PHKA2: variants seen among roughly 807,000 people sequenced by gnomAD.
The protein encoded by PHKA2 is phosphorylase kinase regulatory subunit alpha 2.
In PHKA2, 31 loss-of-function variants were observed where a neutral mutation model predicts 102.0. The observed-to-expected ratio is 0.30, with a 90% CI of 0.23 to 0.41. PHKA2 has a LOEUF of 0.41. Among genes scored for constraint, PHKA2 ranks in the 10% least tolerant of loss-of-function variants. PHKA2 has a pLI of 1.00. For synonymous variants in PHKA2, 455 were observed against 416.2 expected, an observed-to-expected ratio of 1.09 and a Z score of -1.13; for missense variants, 858 against 1,023.1, an observed-to-expected ratio of 0.84 and a Z score of 2.20.
intron 17 of PHKA2, among the ~76,000 whole-genome samples, chrX:18,922,171 G>A (rs1017138835): frequency 9.0e-6 from 1 of 111,591 alleles, no homozygotes; most frequent in African/African-American, 3.3e-5. Context: ...GCTTGAACCT[G>A]GGGGGTGGAG....
chrX:18,967,260 G>A (rs777817383), intron 1 of PHKA2, among the ~76,000 whole-genome samples: 2 of 111,363 alleles, frequency 1.8e-5, no homozygotes, highest in East Asian at 5.7e-4. Context: ...CCCACTGGTG[G>A]CGAGTGAGGG....
At chrX:18,936,321 T>C (rs775470621) in intron 10 of PHKA2, among the ~76,000 whole-genome samples, 171 bp from the exon 11 acceptor site, 6 of 111,664 alleles carry the variant, frequency 5.4e-5, no homozygotes, top group Non-Finnish European at 1.1e-4. Context: ...ACACTTACAG[T>C]GTTAGGAGGA....
In PHKA2 at chrX:18,910,914, T is replaced by C. The variant is rs1749511707; in HGVS notation, c.2184A>G (p.Lys728=). 1 of 1,196,476 alleles carries C rather than the reference T, an allele frequency of 8.4e-7. No homozygotes were observed. The highest frequency in any genetic ancestry group is 1.1e-6 in the Non-Finnish European group (1 of 883,847). ...LPTKVLSAHR[K]SLNLVDSPQP... ...GAGGAGAATCAACAAGATTCAGTGA[T>C]TTACGGTGGGCACTTAGAACTTTAG... The change falls in exon 20 of 33, where the codon AAA becomes AAG. Residue 728 remains lysine, a synonymous_variant. Transcript: ENST00000379942.
intron 1 of PHKA2, among the ~76,000 whole-genome samples, chrX:18,963,632 G>C (rs1246168334): frequency 6.3e-5 from 7 of 111,964 alleles, no homozygotes; most frequent in Non-Finnish European, 1.3e-4. Flanking sequence ...AAAGAATCCT[G>C]ACAAATACAA....
At chrX:18,893,864 CTG>C (rs1237461774) in intron 32 of PHKA2, among the ~76,000 whole-genome samples, 1 of 112,425 alleles carries the variant, frequency 8.9e-6, no homozygotes, top group Non-Finnish European at 1.9e-5. Context: ...GCACTGCACT[CTG>C]TTATCACGCA....
Position 18,892,394 on chromosome X carries a change from T to C in PHKA2, c.*1091A>G, listed in dbSNP as rs904319082. 1 of 112,693 alleles carries C rather than the reference T, an allele frequency of 8.9e-6. No homozygotes were observed. The highest frequency in any genetic ancestry group is 3.2e-5 in the African/African-American group (1 of 31,008). The allele number at this position is 112,693 out of a possible 1,213,427, so 9.3% of individuals were successfully genotyped here. On this transcript the variant is annotated 3_prime_UTR_variant, in exon 33 of 33. Transcript: ENST00000379942. ...GGTAAGACAATGCCCGGAGAGAAAC[T>C]CCATTGCTAGGGCATTGGCAAAAGA...
chrX:18,983,920 T>G lies in PHKA2; in HGVS notation c.13A>C (p.Ser5Arg). 1 of 1,210,686 alleles carries G rather than the reference T, an allele frequency of 8.3e-7. No homozygotes were observed. The highest frequency in any genetic ancestry group is 3.0e-5 in the East Asian group (1 of 33,834). ...CCGTCCAAGCGGACCCCGGAATTGC[T>G]CCTGCTCCGCATCTCCCCGAGGCTC... MRSR[S>R]NSGVRLDGYA... Residue 5 changes from serine (S) to arginine (R), a missense_variant, in exon 1 of 33, where the codon AGC becomes CGC. By Grantham distance (110) the Ser-to-Arg change is moderately radical. Transcript: ENST00000379942.
chrX:18,937,708 T>C (rs1463313136), intron 10 of PHKA2, among the ~76,000 whole-genome samples: 1 of 112,028 alleles, frequency 8.9e-6, no homozygotes, highest in East Asian at 2.8e-4. Context: ...GAAATGAGGC[T>C]ACAGGGGTGA....
chrX:18,947,703 T>G (rs1042270690), intron 5 of PHKA2, among the ~76,000 whole-genome samples: 3 of 112,554 alleles, frequency 2.7e-5, no homozygotes, highest in African/African-American at 9.7e-5. Flanking sequence ...CACTTGCACA[T>G]GCATGTTTAT....
chrX:18,954,351 T>C lies in PHKA2; in HGVS notation c.140A>G (p.Asn47Ser). 8.3e-7 allele frequency: 1 copy of C among 1,211,317 alleles called. No individual in the cohort carries two copies. Among genetic ancestry groups the C allele is most frequent in the Non-Finnish European group, 1.1e-6 (1 of 894,810 alleles). Reference sequence around the variant, plus strand: ...CCACACGGCCAGGATACTGTAGATGTTATCCCGCACCCAGGCATCCTTCTG... The same window carrying C: ...CCACACGGCCAGGATACTGTAGATGCTATCCCGCACCCAGGCATCCTTCTG... The part of the protein sequence containing the change: ...HEQKDAWVRD[N>S]IYSILAVWGL... The change falls in exon 2 of 33, where the codon AAC (asparagine) becomes AGC (serine). Residue 47 changes from asparagine to serine, a missense_variant. Physicochemically the swap from Asn to Ser is conservative, Grantham distance 46. This residue lies in a region of PHKA2 where 187 missense variants were observed against 277.9 expected (regional missense o/e 0.67). Coordinates refer to ENST00000379942, the MANE Select transcript of PHKA2 (RefSeq NM_000292.3).
chrX:18,944,815 A>G (rs1011381506), intron 6 of PHKA2, among the ~76,000 whole-genome samples: 1 of 112,255 alleles, frequency 8.9e-6, no homozygotes, highest in Non-Finnish European at 1.9e-5. Context: ...CAACAGCAAG[A>G]GCTTAGACCC....
At chrX:18,959,410 G>T (rs894419416) in intron 1 of PHKA2, among the ~76,000 whole-genome samples, 1 of 111,582 alleles carries the variant, frequency 9.0e-6, no homozygotes, top group African/African-American at 3.3e-5. Context: ...AAGTGAGTTC[G>T]ATGTAACCAT....
At chrX:18,946,838 A>G (rs2048586299) in intron 5 of PHKA2, among the ~76,000 whole-genome samples, 1 of 94,156 alleles carries the variant, frequency 1.1e-5, no homozygotes, top group African/African-American at 4.0e-5. Context: ...CTTCAGCACT[A>G]TTCCATTTCG....
chrX:18,927,901 T>C (rs775631209), intron 13 of PHKA2, among the ~76,000 whole-genome samples: 1 of 111,822 alleles, frequency 8.9e-6, no homozygotes, highest in East Asian at 2.8e-4. Context: ...GCAGTGGTTT[T>C]GGGGGAGACC....
Position 18,909,986 on chromosome X carries a change from C to T in PHKA2, c.2226+886G>A, listed in dbSNP as rs373821026. Among the ~76,000 whole-genome samples, 47 of 112,425 alleles carry T rather than the reference C, an allele frequency of 4.2e-4. 1 individual carries two copies. The highest frequency in any genetic ancestry group is 1.5e-3 in the African/African-American group (47 of 30,979). On this transcript the variant is annotated intron_variant, in intron 20 of 32. Coordinates refer to ENST00000379942, the MANE Select transcript of PHKA2 (RefSeq NM_000292.3). ...ATTGAAATCAGGGTAAAATCTTCTC[C>T]AACAGGCACTGAGTGTGCCACTGAG...
At chrX:18,936,323 T>C (rs1252181344) in intron 10 of PHKA2, among the ~76,000 whole-genome samples, 173 bp from the exon 11 acceptor site, 1 of 111,769 alleles carries the variant, frequency 8.9e-6, no homozygotes, top group East Asian at 2.8e-4. Flanking sequence ...ACTTACAGTG[T>C]TAGGAGGAGC....
chrX:18,927,314 G>A (rs759421915), intron 13 of PHKA2, among the ~76,000 whole-genome samples: 9 of 112,417 alleles, frequency 8.0e-5, no homozygotes, highest in African/African-American at 1.6e-4. Flanking sequence ...GGGACAACCC[G>A]GGATCGGCTA....
chrX:18,929,340 T>C (rs758464931), intron 12 of PHKA2, 34 bp from the exon 13 acceptor site: 27 of 928,807 alleles, frequency 2.9e-5, no homozygotes, highest in Non-Finnish European at 2.3e-5. Context: ...CTATGAAATA[T>C]TGATTAACTA....
At chrX:18,909,228 G>A (rs2047879745) in intron 20 of PHKA2, among the ~76,000 whole-genome samples, 1 of 112,105 alleles carries the variant, frequency 8.9e-6, no homozygotes, top group Non-Finnish European at 1.9e-5. Flanking sequence ...AATCATGACA[G>A]CAGTTATCTC....
Sources: gnomAD v4.1 joint callset for allele counts (sites outside exome capture counted in the v4.1 genomes callset) on GRCh38, gnomAD v4.1.1 for gene constraint, gnomAD v4.1.1 regional missense constraint, MANE v1.5 for transcripts, NCBI Gene and HGNC (gene_info 2026-07-23, HGNC 2026-07-21) for gene names.